KAT6A: variants seen among roughly 807,000 people sequenced by gnomAD.
KAT6A encodes histone acetyltransferase KAT6A.
Under a neutral mutation model 198.4 loss-of-function variants are expected in KAT6A, and 9 were observed. The ratio of observed to expected loss-of-function variants is 0.05; its 90% CI spans 0.03 to 0.08. The LOEUF (loss-of-function observed/expected upper bound fraction) is 0.08. Among genes scored for constraint, KAT6A ranks in the 10% least tolerant of loss-of-function variants. KAT6A has a pLI of 1.00. For synonymous variants in KAT6A, 890 were observed against 883.0 expected, an observed-to-expected ratio of 1.01 and a Z score of -0.14; for missense variants, 2,077 against 2,509.9, an observed-to-expected ratio of 0.83 and a Z score of 3.69.
At chr8:41,976,616 T>A (rs1824067057) in intron 7 of KAT6A, among the ~76,000 whole-genome samples, 1 of 152,210 alleles carries the variant, frequency 6.6e-6, no homozygotes, top group Admixed American at 6.5e-5. Flanking sequence ...TCAACAGCAT[T>A]TCACCCAGTT....
chr8:42,017,962 T>C (rs571928461), intron 2 of KAT6A, among the ~76,000 whole-genome samples: 16 of 152,250 alleles, frequency 1.1e-4, no homozygotes, highest in African/African-American at 2.9e-4. Flanking sequence ...AGGGAAACCA[T>C]CTGAAAGACA....
intron 2 of KAT6A, among the ~76,000 whole-genome samples, chr8:42,023,099 TG>T (rs1826629887): frequency 6.6e-6 from 1 of 152,210 alleles, no homozygotes; most frequent in African/African-American, 2.4e-5. Flanking sequence ...TGAAGGCAAT[TG>T]TAACACAATG....
chr8:42,049,573 A>C (rs1267984395), intron 1 of KAT6A: 1 of 153,790 alleles, frequency 6.5e-6, no homozygotes, highest in Non-Finnish European at 1.4e-5. Context: ...AGCTACCACT[A>C]ACCAGAGTGG....
intron 8 of KAT6A, among the ~76,000 whole-genome samples, chr8:41,972,342 A>C (rs1379288149): frequency 1.3e-5 from 2 of 152,224 alleles, no homozygotes; most frequent in Non-Finnish European, 2.9e-5. Flanking sequence ...TGTGGTAGAT[A>C]AAAGTTTGAT....
intron 6 of KAT6A, 77 bp from the exon 7 acceptor site, chr8:41,977,404 A>G: frequency 1.1e-6 from 1 of 892,190 alleles, no homozygotes; most frequent in African/African-American, 1.7e-5. Flanking sequence ...ATAACATATA[A>G]TTAGTAAGTA....
intron 2 of KAT6A, among the ~76,000 whole-genome samples, chr8:42,042,058 T>A (rs776079303): frequency 6.6e-6 from 1 of 152,242 alleles, no homozygotes; most frequent in Non-Finnish European, 1.5e-5. Flanking sequence ...AATTTTCTTA[T>A]AAAATACCAC....
intron 2 of KAT6A, among the ~76,000 whole-genome samples, chr8:42,048,155 T>G (rs1283104289): frequency 6.6e-6 from 1 of 152,196 alleles, no homozygotes; most frequent in Non-Finnish European, 1.5e-5. Flanking sequence ...GTTCTTTTAG[T>G]CAGATTAACA....
In KAT6A at chr8:41,933,419, T is replaced by C. The variant is rs753768766; in HGVS notation, c.4801A>G (p.Ser1601Gly). The C allele has an allele frequency of 6.8e-6, 11 of 1,611,376 alleles. No homozygotes were observed. Among genetic ancestry groups the C allele is most frequent in the African/African-American group, 1.3e-5 (1 of 74,882 alleles). ...ATCTGCTGAGTGACCACACAGCTGCTCTGGGTGAGGCTGCTGGAGGACGAC... is the reference window on the plus strand; with the variant it reads ...ATCTGCTGAGTGACCACACAGCTGCCCTGGGTGAGGCTGCTGGAGGACGAC... ...GLSSSSSLTQ[S>G]SCVVTQQMAS... The change falls in exon 17 of 17, where the codon AGC becomes GGC. Residue 1601 changes from serine to glycine, a missense_variant. Physicochemically the swap from Ser to Gly is moderately conservative, Grantham distance 56. Coordinates refer to ENST00000265713, the MANE Select transcript of KAT6A (RefSeq NM_006766.5). The surrounding 1 kb of genome is among the most constrained non-coding windows in gnomAD (Gnocchi z 6.2).
chr8:41,988,973 T>G lies in KAT6A; in HGVS notation c.601-1410A>C, dbSNP rs891675618. On this transcript the variant is annotated intron_variant, in intron 2 of 16. Transcript: ENST00000265713. ...AAGTATCGAGATGCTTTTAGTCTAC[T>G]GGGGAGAACAGATAAAGTACAATAA... 4.7e-4 allele frequency among the ~76,000 whole-genome samples: 72 copies of G among 152,268 alleles called. 1 individual carries two copies. The highest frequency in any genetic ancestry group is 1.3e-3 in the African/African-American group (56 of 41,570).
intron 9 of KAT6A, among the ~76,000 whole-genome samples, chr8:41,953,401 C>T (rs1029281468): frequency 7.2e-5 from 11 of 152,162 alleles, no homozygotes; most frequent in Non-Finnish European, 1.6e-4. Context: ...GGGCAGCTTG[C>T]AAAGAGCTCA....
intron 2 of KAT6A, among the ~76,000 whole-genome samples, chr8:42,015,224 T>C (rs1430492097): frequency 6.6e-6 from 1 of 152,162 alleles, no homozygotes; most frequent in Non-Finnish European, 1.5e-5. Context: ...GAATCCGGAC[T>C]ACCAAGCTGG....
chr8:42,000,582 A>G (rs1220390445), intron 2 of KAT6A, among the ~76,000 whole-genome samples: 1 of 152,168 alleles, frequency 6.6e-6, no homozygotes, highest in Non-Finnish European at 1.5e-5. Context: ...AAGAAAAAAA[A>G]GTGATGTTTT....
At position 41,974,758 on chromosome 8, in the gene KAT6A, G is replaced by C. The variant is rs1823964905; in HGVS notation, c.1428C>G (p.Ile476Met). Residue 476 changes from isoleucine (I) to methionine (M), a missense_variant, in exon 8 of 17, where the codon ATC becomes ATG. Physicochemically the swap from Ile to Met is conservative, Grantham distance 10. This residue lies in a region of KAT6A where 206 missense variants were observed against 214.9 expected (regional missense o/e 0.96). Coordinates refer to ENST00000265713, the MANE Select transcript of KAT6A (RefSeq NM_006766.5). ...ATAATTCCATATCTTTCTCAGTCAT[G>C]ATTTCCTGGCTCCCAAAAAGTCGCT... ...NEERLFGSQEIMTEKDMELFR... is the reference protein window; with the variant it reads ...NEERLFGSQEMMTEKDMELFR... 3 of 1,609,966 alleles carry C rather than the reference G, an allele frequency of 1.9e-6. No homozygotes were observed. The South Asian group carries it at 3.3e-5, about 18-fold the overall frequency.
In KAT6A at chr8:41,976,995, T is replaced by C. The variant is rs763652126; in HGVS notation, c.1363+13A>G. On this transcript the variant is annotated intron_variant, in intron 7 of 16. Transcript: ENST00000265713. Reference sequence around the variant, plus strand: ...GAATACTATTTGTTTCTAAGTCTGTTCTAAACTCTTACCTGTGGGCCAATC... The same window carrying C: ...GAATACTATTTGTTTCTAAGTCTGTCCTAAACTCTTACCTGTGGGCCAATC... 5 of 1,577,712 alleles carry C rather than the reference T, an allele frequency of 3.2e-6. No individual in the cohort carries two copies. Among genetic ancestry groups the C allele is most frequent in the Non-Finnish European group, 3.4e-6 (4 of 1,161,294 alleles).
Position 41,942,848 on chromosome 8 carries a change from G to A in KAT6A, c.2381C>T (p.Ala794Val). ...TGGCTCTTCGTTTTCTCCTTCCTCAGCCTCCTCTTCTTCCTCCTCTGAGAC... is the reference window on the plus strand; with the variant it reads ...TGGCTCTTCGTTTTCTCCTTCCTCAACCTCCTCTTCTTCCTCCTCTGAGAC... ...SVVSEEEEEE[A>V]EEGENEEPQC... Residue 794 changes from alanine (A) to valine (V), a missense_variant, in exon 14 of 17, where the codon GCT becomes GTT. Physicochemically the swap from Ala to Val is moderately conservative, Grantham distance 64. Coordinates refer to ENST00000265713, the MANE Select transcript of KAT6A (RefSeq NM_006766.5). 6.2e-7 allele frequency: 1 copy of A among 1,613,916 alleles called. No individual in the cohort carries two copies. Among genetic ancestry groups the A allele is most frequent in the Non-Finnish European group, 8.5e-7 (1 of 1,179,972 alleles).
intron 2 of KAT6A, among the ~76,000 whole-genome samples, chr8:41,990,561 T>C (rs2150895436): frequency 6.6e-6 from 1 of 152,272 alleles, no homozygotes; most frequent in East Asian, 1.9e-4. Context: ...ACAGGTACTT[T>C]CCCACAGAAA....
At chr8:42,050,187 C>T (rs1802534524) in intron 1 of KAT6A, among the ~76,000 whole-genome samples, 1 of 152,070 alleles carries the variant, frequency 6.6e-6, no homozygotes, top group Non-Finnish European at 1.5e-5. Context: ...TAAAGAGAAG[C>T]CCAAATAATA....
intron 2 of KAT6A, among the ~76,000 whole-genome samples, chr8:42,017,292 G>T (rs1227891453): frequency 6.6e-6 from 1 of 152,172 alleles, no homozygotes; most frequent in Non-Finnish European, 1.5e-5. Flanking sequence ...ACCACTATGA[G>T]CCAGGCCCCT....
At chr8:41,981,068 C>T in intron 4 of KAT6A, 141 bp from the exon 5 acceptor site, 1 of 643,492 alleles carries the variant, frequency 1.6e-6, no homozygotes, top group Admixed American at 2.4e-5. Context: ...GCCTGTAATC[C>T]CAACACTCTG....
Sources: gnomAD v4.1 joint callset for allele counts (sites outside exome capture counted in the v4.1 genomes callset) on GRCh38, gnomAD v4.1.1 for gene constraint, gnomAD v4.1.1 regional missense constraint, Gnocchi (gnomAD v3.1) non-coding constraint, MANE v1.5 for transcripts, NCBI Gene and HGNC (gene_info 2026-07-23, HGNC 2026-07-21) for gene names.